The following HDAC8 variants were observed in gnomAD, a reference collection of about 807,000 sequenced individuals.
The protein encoded by HDAC8 is histone deacetylase 8, also known as histone deacetylase-like 1.
Under a neutral mutation model 32.2 loss-of-function variants are expected in HDAC8, and 1 was observed. The ratio of observed to expected loss-of-function variants is 0.03; its 90% CI spans 0.01 to 0.15. The LOEUF (loss-of-function observed/expected upper bound fraction) is 0.15. Among genes scored for constraint, HDAC8 ranks in the 10% least tolerant of loss-of-function variants. HDAC8 has a pLI of 1.00. For missense variants in HDAC8, 117 were observed against 300.0 expected (o/e 0.39, Z 4.51); for synonymous variants, 108 against 113.9 (o/e 0.95, Z 0.33).
intron 4 of HDAC8, among the ~76,000 whole-genome samples, chrX:72,558,158 C>T (rs1352154046): frequency 8.9e-6 from 1 of 112,028 alleles, no homozygotes; most frequent in Non-Finnish European, 1.9e-5. Context: ...CTCTATCAGA[C>T]ATTCAAAGAA....
intron 9 of HDAC8, among the ~76,000 whole-genome samples, chrX:72,368,746 G>T (rs1249138268): frequency 2.7e-5 from 3 of 112,295 alleles, no homozygotes; most frequent in Non-Finnish European, 5.6e-5. Flanking sequence ...CAGCTCTTAG[G>T]AGCAAGAACT....
In HDAC8 at chrX:72,572,830, G is replaced by T. The variant is rs1343583815; in HGVS notation, c.-69C>A. 2.2e-6 allele frequency: 2 copies of T among 897,128 alleles called. No homozygotes were observed. Among genetic ancestry groups the T allele is most frequent in the South Asian group, 2.0e-5 (1 of 49,501 alleles). The allele number at this position is 897,128 out of a possible 1,213,427, so 73.9% of individuals were successfully genotyped here. On this transcript the variant is annotated 5_prime_UTR_variant, in exon 1 of 11. The change creates a new upstream start codon in the 5' untranslated region. Coordinates refer to ENST00000373573, the MANE Select transcript of HDAC8 (RefSeq NM_018486.3). Reference sequence around the variant, plus strand: ...TTTTTCGGACTCGGCCAGGGTTCCAGTTCCTGCTCCTCTGATCGGCCGCAG... The same window carrying T: ...TTTTTCGGACTCGGCCAGGGTTCCATTTCCTGCTCCTCTGATCGGCCGCAG...
chrX:72,361,732 A>AT (rs1160030927), intron 9 of HDAC8, among the ~76,000 whole-genome samples: 1 of 110,047 alleles, frequency 9.1e-6, no homozygotes, highest in Non-Finnish European at 1.9e-5. Flanking sequence ...AAAAAAAAAA[A>AT]AATAAGGTCT....
chrX:72,402,544 C>G (rs1234039706), intron 9 of HDAC8, among the ~76,000 whole-genome samples: 1 of 109,359 alleles, frequency 9.1e-6, no homozygotes, highest in Admixed American at 9.8e-5. Flanking sequence ...GGTATGCTGC[C>G]TCTTCATTTT....
At chrX:72,494,978 C>T (rs182682911) in intron 5 of HDAC8, among the ~76,000 whole-genome samples, 178 bp downstream of exon 5, 2 of 111,412 alleles carry the variant, frequency 1.8e-5, no homozygotes, top group East Asian at 2.8e-4. Context: ...AGGAGCCTGG[C>T]TTGGGCAGCA....
intron 7 of HDAC8, among the ~76,000 whole-genome samples, chrX:72,486,337 G>A (rs990569148): frequency 1.8e-5 from 2 of 110,907 alleles, no homozygotes; most frequent in African/African-American, 6.6e-5. Context: ...TACCAGGGCT[G>A]GCCCTCTGCA....
chrX:72,559,431 T>A (rs2051422904), intron 4 of HDAC8, among the ~76,000 whole-genome samples: 1 of 110,372 alleles, frequency 9.1e-6, no homozygotes, highest in South Asian at 3.9e-4. Context: ...AACCTCCACC[T>A]CCCAGCCGCC....
intron 7 of HDAC8, chrX:72,473,750 G>A: frequency 1.3e-6 from 1 of 754,526 alleles, no homozygotes. Context: ...AGCAGATGCT[G>A]TTGCCAAAAC....
At chrX:72,381,639 A>G (rs1185579705) in intron 9 of HDAC8, among the ~76,000 whole-genome samples, 1 of 112,069 alleles carries the variant, frequency 8.9e-6, no homozygotes, top group Non-Finnish European at 1.9e-5. Context: ...CAAACACTCA[A>G]GCTTTAGGAT....
intron 9 of HDAC8, among the ~76,000 whole-genome samples, chrX:72,441,905 C>T (rs1265358590): frequency 3.4e-4 from 38 of 111,364 alleles, no homozygotes; most frequent in African/African-American, 7.8e-4. Context: ...CCTCAGGAGC[C>T]GATGCGATCA....
At chrX:72,548,043 G>A (rs2050918905) in intron 4 of HDAC8, among the ~76,000 whole-genome samples, 1 of 111,487 alleles carries the variant, frequency 9.0e-6, no homozygotes, top group African/African-American at 3.3e-5. Flanking sequence ...TTTTCAGTGG[G>A]ACTGTGATAC....
At chrX:72,458,836 T>C (rs1458314205) in intron 9 of HDAC8, among the ~76,000 whole-genome samples, 3 of 112,268 alleles carry the variant, frequency 2.7e-5, no homozygotes, top group Non-Finnish European at 5.6e-5. Context: ...TTTTTAAAAG[T>C]TAAAGCTCAT....
chrX:72,388,954 T>C (rs2045536384), intron 9 of HDAC8, among the ~76,000 whole-genome samples: 1 of 112,203 alleles, frequency 8.9e-6, no homozygotes, highest in Non-Finnish European at 1.9e-5. Flanking sequence ...TTTCTGTTGT[T>C]TAAACCATCA....
intron 9 of HDAC8, among the ~76,000 whole-genome samples, chrX:72,458,787 A>C (rs1305169838): frequency 8.9e-6 from 1 of 111,838 alleles, no homozygotes; most frequent in Admixed American, 9.5e-5. Context: ...TGCGTTTCTC[A>C]AGTCTCTCCT....
intron 9 of HDAC8, among the ~76,000 whole-genome samples, chrX:72,358,589 G>A (rs1215905096): frequency 1.8e-5 from 2 of 111,839 alleles, no homozygotes; most frequent in Non-Finnish European, 3.8e-5. Flanking sequence ...GGAACAGTAT[G>A]CAATTTAAAA....
At chrX:72,528,566 G>A (rs1181094680) in intron 4 of HDAC8, among the ~76,000 whole-genome samples, 1 of 111,831 alleles carries the variant, frequency 8.9e-6, no homozygotes, top group Non-Finnish European at 1.9e-5. Flanking sequence ...GTAGTAGAGG[G>A]CATCTCAGCA....
intron 4 of HDAC8, among the ~76,000 whole-genome samples, chrX:72,546,006 C>T (rs782459882): frequency 9.0e-5 from 10 of 111,663 alleles, no homozygotes; most frequent in African/African-American, 2.9e-4. Flanking sequence ...GTGCACAGAG[C>T]CCTTTGGGGA....
intron 6 of HDAC8, chrX:72,489,302 C>G: frequency 2.3e-6 from 1 of 428,403 alleles, no homozygotes. Context: ...GACATAACAT[C>G]AATTTATCAC....
intron 9 of HDAC8, among the ~76,000 whole-genome samples, chrX:72,373,841 A>C (rs1555957152): frequency 8.9e-6 from 1 of 112,073 alleles, no homozygotes. Context: ...ATTTCTCTGC[A>C]TTGTTGCCAA....
Sources: allele counts gnomAD v4.1 joint callset (sites outside exome capture counted in the v4.1 genomes callset), GRCh38; gene constraint gnomAD v4.1.1; transcripts MANE v1.5; gene names NCBI Gene and HGNC (gene_info 2026-07-23, HGNC 2026-07-21).